Variants in VPS45 observed in about 807,000 individuals in gnomAD.
VPS45 encodes the protein vacuolar protein sorting 45 homolog, also known as vacuolar protein sorting-associated protein 45.
In VPS45, 35 loss-of-function variants were observed where a neutral mutation model predicts 75.9. The ratio of observed to expected loss-of-function variants is 0.46; its 90% confidence interval spans 0.35 to 0.61. The LOEUF is 0.61. Among genes scored for constraint, VPS45 ranks in the 20% least tolerant of loss-of-function variants. The pLI is 0.00. For synonymous variants in VPS45, 220 were observed against 238.2 expected (o/e 0.92, Z 0.70); for missense variants, 559 against 685.9 (o/e 0.81, Z 2.07).
At chr1:150,070,077 C>T (rs587660407) in intron 2 of VPS45, among the ~76,000 whole-genome samples, 9 of 152,252 alleles carry the variant, frequency 5.9e-5, no homozygotes, top group African/African-American at 1.9e-4. Flanking sequence ...TAGTCTTCTT[C>T]CTCTGCCTGG....
intron 14 of VPS45, among the ~76,000 whole-genome samples, chr1:150,126,202 T>G (rs1553810662): frequency 6.6e-6 from 1 of 151,912 alleles, no homozygotes; most frequent in East Asian, 1.9e-4. Context: ...CTTTTGTTGT[T>G]GGGTTTTTGT....
At chr1:150,108,818 C>T (rs186014491) in intron 13 of VPS45, among the ~76,000 whole-genome samples, 10 of 152,258 alleles carry the variant, frequency 6.6e-5, no homozygotes, top group Non-Finnish European at 1.3e-4. Flanking sequence ...GAGAATCTAA[C>T]GCCTCCACGG....
intron 14 of VPS45, among the ~76,000 whole-genome samples, chr1:150,135,475 A>G (rs1371522885): frequency 6.6e-6 from 1 of 152,090 alleles, no homozygotes; most frequent in Non-Finnish European, 1.5e-5. Context: ...CAAGTTGGCC[A>G]GGCTGGTCGC....
intron 13 of VPS45, among the ~76,000 whole-genome samples, chr1:150,101,657 C>G (rs995556631): frequency 2.0e-5 from 3 of 151,546 alleles, no homozygotes; most frequent in Admixed American, 6.6e-5. Flanking sequence ...TGGCTTGAAC[C>G]CGGGAGGCAA....
intron 13 of VPS45, among the ~76,000 whole-genome samples, chr1:150,102,187 G>A (rs1553804569): frequency 1.4e-5 from 2 of 141,902 alleles, no homozygotes; most frequent in African/African-American, 2.7e-5. Flanking sequence ...GTGATGAGCC[G>A]AGATTGCTCC....
intron 10 of VPS45, among the ~76,000 whole-genome samples, chr1:150,083,732 A>T (rs1434531352): frequency 6.6e-6 from 1 of 150,458 alleles, no homozygotes; most frequent in Non-Finnish European, 1.5e-5. Flanking sequence ...TATATATGGG[A>T]ACAGAGAATA....
chr1:150,067,760 C>G (rs1346796287), upstream of VPS45: 3 of 1,253,368 alleles, frequency 2.4e-6, no homozygotes, highest in African/African-American at 4.5e-5. Flanking sequence ...CGAATCCCGG[C>G]TGGGAGGAAG....
At chr1:150,103,918 CCTT>C (rs1307707717) in intron 13 of VPS45, among the ~76,000 whole-genome samples, 2 of 152,064 alleles carry the variant, frequency 1.3e-5, no homozygotes, top group Non-Finnish European at 2.9e-5. Context: ...AGATTCCCTC[CCTT>C]CTTCTTAATA....
intron 13 of VPS45, among the ~76,000 whole-genome samples, chr1:150,098,442 T>C (rs1342096434): frequency 6.6e-6 from 1 of 152,208 alleles, no homozygotes; most frequent in Middle Eastern, 3.2e-3. Context: ...TAAACTTAAT[T>C]GATGCTATAC....
intron 14 of VPS45, among the ~76,000 whole-genome samples, chr1:150,116,518 G>A (rs1351761234): frequency 6.6e-6 from 1 of 152,154 alleles, no homozygotes; most frequent in Non-Finnish European, 1.5e-5. Context: ...AACATGACTA[G>A]TAAGAGATGG....
chr1:150,115,691 A>G (rs1403761695), intron 14 of VPS45, among the ~76,000 whole-genome samples: 2 of 152,194 alleles, frequency 1.3e-5, no homozygotes, highest in East Asian at 1.9e-4. Context: ...GTCTGGAATC[A>G]TTTTTATGTT....
chr1:150,081,615 A>G, intron 8 of VPS45, 139 bp downstream of exon 8: 1 of 1,047,832 alleles, frequency 9.5e-7, no homozygotes. Context: ...ACTGCCTCTG[A>G]AGGGAAGGCA....
At chr1:150,138,901 C>CA (rs782640732) in intron 14 of VPS45, among the ~76,000 whole-genome samples, 40 of 150,644 alleles carry the variant, frequency 2.7e-4, no homozygotes, top group Admixed American at 4.0e-4. Flanking sequence ...GTTGCTTAGG[C>CA]AAAAAAAAAC....
At chr1:150,144,625 T>C (rs1040365677) in intron 14 of VPS45, 84 bp from the exon 15 acceptor site, 6 of 1,191,272 alleles carry the variant, frequency 5.0e-6, no homozygotes, top group Non-Finnish European at 7.1e-6. Flanking sequence ...TATATTTTCA[T>C]CTGGTTAGAT....
chr1:150,072,314 T>C (rs781919677), intron 3 of VPS45, 88 bp downstream of exon 3: 5 of 920,696 alleles, frequency 5.4e-6, no homozygotes, highest in Admixed American at 2.3e-5. Flanking sequence ...AATAACTTCA[T>C]TGAATCTGTC....
At chr1:150,098,270 T>G (rs1223563804) in intron 13 of VPS45, among the ~76,000 whole-genome samples, 1 of 152,234 alleles carries the variant, frequency 6.6e-6, no homozygotes, top group Non-Finnish European at 1.5e-5. Context: ...GGTATTGTAA[T>G]CTTGAAGTAA....
At chr1:150,129,844 C>G (rs1035910710) in intron 14 of VPS45, among the ~76,000 whole-genome samples, 2 of 125,660 alleles carry the variant, frequency 1.6e-5, no homozygotes, top group Non-Finnish European at 3.2e-5. Flanking sequence ...TGAGCCACCA[C>G]GCCTGGCCAA....
At chr1:150,124,423 C>T (rs1057359428) in intron 14 of VPS45, among the ~76,000 whole-genome samples, 1 of 151,858 alleles carries the variant, frequency 6.6e-6, no homozygotes, top group Non-Finnish European at 1.5e-5. Flanking sequence ...CGCGCCACTG[C>T]ACTCCAGCCT....
At chr1:150,101,102 C>G (rs782148125) in intron 13 of VPS45, among the ~76,000 whole-genome samples, 2 of 152,066 alleles carry the variant, frequency 1.3e-5, no homozygotes, top group Non-Finnish European at 2.9e-5. Flanking sequence ...AACCCTGTCT[C>G]TACTAAAAAT....
Sources: allele counts gnomAD v4.1 joint callset (sites outside exome capture counted in the v4.1 genomes callset), GRCh38; gene constraint gnomAD v4.1.1; transcripts MANE v1.5; gene names NCBI Gene and HGNC (gene_info 2026-07-23, HGNC 2026-07-21).